COL6A3: variants seen among roughly 807,000 people sequenced by gnomAD.
COL6A3 encodes the protein collagen alpha-3(VI) chain.
COL6A3 carries 137 observed loss-of-function variants against 274.1 expected under a neutral mutation model. The ratio of observed to expected loss-of-function variants is 0.50; its 90% confidence interval spans 0.44 to 0.58. The LOEUF is 0.58. COL6A3 is among the 20% of genes least tolerant of loss of function. The pLI is 0.00. For synonymous variants in COL6A3, 1,650 were observed against 1,650.6 expected, an observed-to-expected ratio of 1.00 and a Z score of 0.01; for missense variants, 3,950 against 4,124.9, an observed-to-expected ratio of 0.96 and a Z score of 1.16.
chr2:237,392,541 G>A (rs1874573), intron 3 of COL6A3, among the ~76,000 whole-genome samples: 107,248 of 152,054 alleles, frequency 0.71, 38,121 homozygotes, highest in East Asian at 0.82. Context: ...TCCTGTCCCA[G>A]TGGCCATCTT....
At chr2:237,400,988 A>G (rs1004243836) in intron 1 of COL6A3, among the ~76,000 whole-genome samples, 58 of 152,338 alleles carry the variant, frequency 3.8e-4, no homozygotes, top group African/African-American at 1.3e-3. Context: ...AAAATAGCAA[A>G]GCTTGAGACC....
At position 237,387,810 on chromosome 2, in the gene COL6A3, T is replaced by C. The variant is rs2078186243; in HGVS notation, c.1084A>G (p.Ile362Val). Residue 362 changes from isoleucine to valine, a missense_variant, in exon 4 of 44, where the codon ATT becomes GTT. Coordinates refer to ENST00000295550, the MANE Select transcript of COL6A3 (RefSeq NM_004369.4). ...LISAGPSSDE[I>V]RYGVVALKQA... is the part of the protein sequence containing the mutation. ...TTCAGTGCTACCACCCCGTAGCGAA[T>C]CTCGTCACTAGAAGGCCCGGCACTT... The C allele has an allele frequency of 1.2e-6, 2 of 1,614,154 alleles. No homozygotes were observed. The highest frequency in any genetic ancestry group is 1.7e-6 in the Non-Finnish European group (2 of 1,180,020).
chr2:237,325,894 A>G, intron 42 of COL6A3, 170 bp from the exon 43 acceptor site: 1 of 599,550 alleles, frequency 1.7e-6, no homozygotes. Flanking sequence ...TCACTGCCAT[A>G]TGGACATAGG....
At position 237,334,612 on chromosome 2, in the gene COL6A3, G is replaced by A. The variant is rs1247157686; in HGVS notation, c.9229+14C>T. On this transcript the variant is annotated intron_variant, in intron 41 of 43. Transcript: ENST00000295550. Reference sequence around the variant, plus strand: ...TAGAAATCAGGTACCGACTTGTACTGATCATGTACTTACTTGTACTGAAAC... The same window carrying A: ...TAGAAATCAGGTACCGACTTGTACTAATCATGTACTTACTTGTACTGAAAC... The A allele has an allele frequency of 1.2e-6, 2 of 1,612,756 alleles. No individual in the cohort carries two copies. The highest frequency in any genetic ancestry group is 1.7e-5 in the Admixed American group (1 of 60,016).
At chr2:237,328,941 A>G (rs1185285482) in intron 42 of COL6A3, 1 of 152,254 alleles carries the variant, frequency 6.6e-6, no homozygotes, top group Non-Finnish European at 1.5e-5. Flanking sequence ...AAGTACTTCC[A>G]TACCTTGGAT....
intron 3 of COL6A3, among the ~76,000 whole-genome samples, chr2:237,390,988 G>A (rs76997171): frequency 0.03 from 4,524 of 152,196 alleles, 214 homozygotes; most frequent in African/African-American, 0.1. Context: ...AGTGGTGATC[G>A]TTCATATTTT....
At chr2:237,352,178 AC>A (rs545770905) in intron 26 of COL6A3, among the ~76,000 whole-genome samples, 1 of 152,326 alleles carries the variant, frequency 6.6e-6, no homozygotes, top group African/African-American at 2.4e-5. Context: ...ATCTCCAGGG[AC>A]CAAAGGGGAA....
intron 42 of COL6A3, among the ~76,000 whole-genome samples, chr2:237,331,293 C>T (rs1700211177): frequency 1.3e-5 from 2 of 152,018 alleles, no homozygotes; most frequent in Non-Finnish European, 2.9e-5. Flanking sequence ...TTCATTGTCA[C>T]TCCTTTTCCT....
rs1215748083 is a variant in COL6A3 at position 237,393,679 on chromosome 2, G to A, written c.709+908C>T. 3.9e-5 allele frequency among the ~76,000 whole-genome samples: 6 copies of A among 152,240 alleles called. No individual in the cohort carries two copies. In the East Asian group the frequency reaches 1.2e-3, roughly 29 times the overall value. On this transcript the variant is annotated intron_variant, in intron 3 of 43. Coordinates refer to ENST00000295550, the MANE Select transcript of COL6A3 (RefSeq NM_004369.4). Reference sequence around the variant, plus strand: ...CCTCTGCTCTGCCCATCGCTGATGAGTAAGCTCTGGGCACTCATTACAGTT... The same window carrying A: ...CCTCTGCTCTGCCCATCGCTGATGAATAAGCTCTGGGCACTCATTACAGTT...
At chr2:237,348,270 T>C (rs1309960784) in intron 30 of COL6A3, 79 bp downstream of exon 30, 9 of 1,222,348 alleles carry the variant, frequency 7.4e-6, no homozygotes, top group Non-Finnish European at 1.1e-5. Flanking sequence ...AATGCCAAGA[T>C]ATTCTGATTC....
chr2:237,347,830 G>A lies in COL6A3; in HGVS notation c.7006C>T (p.Pro2336Ser), dbSNP rs2077126598. The change falls in exon 31 of 44, where the codon CCC (proline) becomes TCC (serine). Residue 2336 changes from proline (P) to serine (S), a missense_variant. This residue lies in a region of COL6A3 where 1,284 missense variants were observed against 1,349.7 expected (regional missense o/e 0.95). Coordinates refer to ENST00000295550, the MANE Select transcript of COL6A3 (RefSeq NM_004369.4). Reference protein sequence around the residue: ...GEPGLNGTTGPKGIRGRRGNS... With the variant: ...GEPGLNGTTGSKGIRGRRGNS... Reference sequence around the variant, plus strand: ...ACCCTTCGGCCTCTGATGCCTTTGGGTCCTGTTGTTCCATTTAGCCCAGGT... The same window carrying A: ...ACCCTTCGGCCTCTGATGCCTTTGGATCCTGTTGTTCCATTTAGCCCAGGT... 1 of 1,611,478 alleles carries A rather than the reference G, an allele frequency of 6.2e-7. No homozygotes were observed. Among genetic ancestry groups the A allele is most frequent in the African/African-American group, 1.3e-5 (1 of 75,020 alleles).
chr2:237,354,011 A>AT (rs369802051), intron 24 of COL6A3, among the ~76,000 whole-genome samples: 20,100 of 142,284 alleles, frequency 0.14, 1,495 homozygotes, highest in Non-Finnish European at 0.16. Context: ...GCTACAAAGA[A>AT]TTTTTTTTTT....
chr2:237,362,843 C>A (rs1411512855), intron 14 of COL6A3, among the ~76,000 whole-genome samples: 1 of 152,154 alleles, frequency 6.6e-6, no homozygotes. Context: ...ACTTCTCCAC[C>A]CAGAAACAGC....
chr2:237,361,766 G>A lies in COL6A3; in HGVS notation c.6129C>T (p.Arg2043=), dbSNP rs576524993. The A allele has an allele frequency of 1.6e-5, 26 of 1,614,094 alleles. No individual in the cohort carries two copies. The highest frequency in any genetic ancestry group is 1.6e-4 in the Middle Eastern group (1 of 6,084). The part of the protein sequence containing the change: ...PCKCSGQRGD[R]GPIGSIGPKG... ...TTGGCCCGATGCTGCCGATGGGCCC[G>A]CGGTCTCCCCTCTGCCCAGAGCACT... Residue 2043 remains arginine, a synonymous_variant, in exon 15 of 44, where the codon CGC becomes CGT. Transcript: ENST00000295550. The surrounding 1 kb of genome is among the most constrained non-coding windows in gnomAD (Gnocchi z 5.1).
chr2:237,364,513 C>G lies in COL6A3; in HGVS notation c.5839-85G>C, dbSNP rs912668938. 5 of 1,054,930 alleles carry G rather than the reference C, an allele frequency of 4.7e-6. No homozygotes were observed. The highest frequency in any genetic ancestry group is 4.7e-5 in the African/African-American group (3 of 64,260). The allele number at this position is 1,054,930 out of a possible 1,614,324, so 65.3% of individuals were successfully genotyped here. ...GATAGAAAACTGAGAGACTCGCTGTCTCAAGCCCTTCATTTTACACTTAAG... is the reference window on the plus strand; with the variant it reads ...GATAGAAAACTGAGAGACTCGCTGTGTCAAGCCCTTCATTTTACACTTAAG... On this transcript the variant is annotated intron_variant, in intron 12 of 43. Transcript: ENST00000295550. The surrounding 1 kb of genome is among the most constrained non-coding windows in gnomAD (Gnocchi z 4.6).
rs55641746 is a variant in COL6A3, at chr2:237,364,901, G to A, written c.5839-473C>T. The stretch of plus-strand genomic sequence containing the variant: ...TGTATGGGTGCATGTGCGTGCATGT[G>A]TGTGGGTGCATGTCTGTGGGTGTGT... On this transcript the variant is annotated intron_variant, in intron 12 of 43. Transcript: ENST00000295550. The surrounding 1 kb of genome is among the most constrained non-coding windows in gnomAD (Gnocchi z 4.6). 0.2 allele frequency among the ~76,000 whole-genome samples: 29,606 copies of A among 150,476 alleles called. 2,932 individuals are homozygous for A. The highest frequency in any genetic ancestry group is 0.25 in the East Asian group (1,281 of 5,064).
In COL6A3 at chr2:237,371,539, A is replaced by C. The variant is rs1035568998; in HGVS notation, c.4285+193T>G. 3.1e-6 allele frequency: 4 copies of C among 1,272,776 alleles called. No individual in the cohort carries two copies. In the African/African-American group the frequency reaches 6.0e-5, roughly 19 times the overall value. 78.8% of individuals were successfully genotyped at this position (1,272,776 alleles called of 1,614,324 possible). A position where few individuals can be genotyped will look rare whatever the true frequency, so the allele number is the denominator to read the frequency against. On this transcript the variant is annotated intron_variant, in intron 9 of 43. Transcript: ENST00000295550. The surrounding 1 kb of genome is among the most constrained non-coding windows in gnomAD (Gnocchi z 4.3). ...CTGGATCCCAGAAGGCAGAGGTTAA[A>C]ATGAGTTATGATCATGCCACTGCAC...
At chr2:237,327,319 T>A (rs993938138) in intron 42 of COL6A3, 1 of 152,350 alleles carries the variant, frequency 6.6e-6, no homozygotes, top group Non-Finnish European at 1.5e-5. Context: ...CAAGTGCACT[T>A]CAGTCCTGAC....
rs1472126541 is a variant in COL6A3 at position 237,377,039 on chromosome 2, G to A, written c.2803C>T (p.Arg935Trp). Residue 935 changes from arginine to tryptophan, a missense_variant, in exon 7 of 44, where the codon CGG (arginine) becomes TGG (tryptophan). By Grantham distance (101) the Arg-to-Trp change is moderately radical. This residue lies in a region of COL6A3 where 1,934 missense variants were observed against 1,984.3 expected (regional missense o/e 0.97). Transcript: ENST00000295550. ...AACTGAAGCACTCCATCCTCGATCC[G>A]GCTGCCAGCAGACTTCACAAAAATG... Reference protein sequence around the residue: ...RYIFVKSAGSRIEDGVLQFLV... With the variant: ...RYIFVKSAGSWIEDGVLQFLV... The A allele has an allele frequency of 2.2e-5, 35 of 1,614,048 alleles. No individual in the cohort carries two copies. The highest frequency in any genetic ancestry group is 2.7e-5 in the Non-Finnish European group (32 of 1,180,040).
Sources: gnomAD v4.1 joint callset for allele counts (sites outside exome capture counted in the v4.1 genomes callset) on GRCh38, gnomAD v4.1.1 for gene constraint, gnomAD v4.1.1 regional missense constraint, Gnocchi (gnomAD v3.1) non-coding constraint, MANE v1.5 for transcripts, NCBI Gene and HGNC (gene_info 2026-07-23, HGNC 2026-07-21) for gene names.